The following SYT9 variants were observed in gnomAD, a reference collection of about 807,000 sequenced individuals.
SYT9 encodes synaptotagmin 9.
A neutral mutation model predicts 48.4 loss-of-function variants in SYT9; 22 were observed. That is an observed-to-expected ratio of 0.45 (90% CI 0.32 to 0.65). SYT9 has a LOEUF of 0.65. SYT9 is among the 30% of genes least tolerant of loss of function. The probability of loss-of-function intolerance (pLI) is 0.03; values close to 1 mark genes in which losing one functional copy is unlikely to be tolerated. For synonymous variants in SYT9, 265 were observed against 245.0 expected, an observed-to-expected ratio of 1.08 and a Z score of -0.76; for missense variants, 577 against 622.0, an observed-to-expected ratio of 0.93 and a Z score of 0.77.
At chr11:7,275,014 T>A (rs1848361467) in intron 1 of SYT9, among the ~76,000 whole-genome samples, 1 of 151,868 alleles carries the variant, frequency 6.6e-6, no homozygotes, top group Non-Finnish European at 1.5e-5. Flanking sequence ...GAATGCTAGG[T>A]GATCTAGTAT....
At chr11:7,456,936 C>T (rs1848157832) in intron 6 of SYT9, 2 of 152,098 alleles carry the variant, frequency 1.3e-5, no homozygotes, top group African/African-American at 4.8e-5. Flanking sequence ...TTCAATCCAA[C>T]CTCTACACTC....
At chr11:7,292,048 G>C (rs1323827892) in intron 1 of SYT9, among the ~76,000 whole-genome samples, 2 of 152,138 alleles carry the variant, frequency 1.3e-5, no homozygotes, top group Non-Finnish European at 1.5e-5. Flanking sequence ...AGAAGTGAGG[G>C]GTGAGAGAAG....
chr11:7,328,106 A>AG (rs1473848880), intron 3 of SYT9, among the ~76,000 whole-genome samples: 1 of 149,584 alleles, frequency 6.7e-6, no homozygotes, highest in South Asian at 2.1e-4. Flanking sequence ...ATAATTTTAA[A>AG]AAAAATTTTT....
At chr11:7,332,897 G>T (rs890875610) in intron 3 of SYT9, among the ~76,000 whole-genome samples, 1 of 152,232 alleles carries the variant, frequency 6.6e-6, no homozygotes, top group African/African-American at 2.4e-5. Context: ...ACCAGTAAGG[G>T]AGAACATTCC....
chr11:7,314,161 A>G (rs1374528680), intron 3 of SYT9: 1 of 691,788 alleles, frequency 1.4e-6, no homozygotes, highest in East Asian at 2.9e-5. Flanking sequence ...TTAAAGAATA[A>G]CATTCTCTCT....
intron 3 of SYT9, among the ~76,000 whole-genome samples, chr11:7,415,190 G>A (rs1847217880): frequency 1.3e-5 from 2 of 152,184 alleles, no homozygotes. Flanking sequence ...AGGGCCACCT[G>A]GGGGTCTGGG....
chr11:7,353,895 A>G (rs999584601), intron 3 of SYT9, among the ~76,000 whole-genome samples: 1 of 152,214 alleles, frequency 6.6e-6, no homozygotes, highest in Admixed American at 6.5e-5. Context: ...CATTAAAAAC[A>G]TACACAAAAT....
intron 6 of SYT9, among the ~76,000 whole-genome samples, chr11:7,434,695 A>T (rs1035053845): frequency 6.6e-6 from 1 of 152,184 alleles, no homozygotes; most frequent in African/African-American, 2.4e-5. Context: ...TGACATCAAC[A>T]TTGATAACAT....
intron 1 of SYT9, among the ~76,000 whole-genome samples, chr11:7,268,376 A>G (rs988504416): frequency 6.6e-6 from 1 of 151,976 alleles, no homozygotes; most frequent in Non-Finnish European, 1.5e-5. Flanking sequence ...CATAGAAAAA[A>G]TATGGAAGGC....
rs112897537 is a variant in SYT9, at chr11:7,302,484, T to A, written c.146-555T>A. 3.8e-3 allele frequency among the ~76,000 whole-genome samples: 582 copies of A among 152,354 alleles called. 7 individuals are homozygous for A. The highest frequency in any genetic ancestry group is 0.014 in the African/African-American group (571 of 41,578). On this transcript the variant is annotated intron_variant, in intron 1 of 6. Coordinates refer to ENST00000318881, the MANE Select transcript of SYT9 (RefSeq NM_175733.4). ...ACTTATCACTGAGTGGGGGTTGTTC[T>A]TGAAGCTGCAAAATTCACAGAAGAT...
intron 6 of SYT9, among the ~76,000 whole-genome samples, chr11:7,443,069 A>G (rs901770675): frequency 6.6e-6 from 1 of 152,192 alleles, no homozygotes; most frequent in African/African-American, 2.4e-5. Context: ...TTGAATGGGA[A>G]TGAGTGGATT....
intron 3 of SYT9, among the ~76,000 whole-genome samples, chr11:7,408,131 T>TTTTG (rs147454828): frequency 1.3e-5 from 2 of 152,142 alleles, no homozygotes; most frequent in African/African-American, 4.8e-5. Context: ...GATTTTGTTT[T>TTTTG]TTTGTTTGTT....
At chr11:7,292,329 A>G (rs1189497410) in intron 1 of SYT9, among the ~76,000 whole-genome samples, 3 of 152,252 alleles carry the variant, frequency 2.0e-5, no homozygotes, top group African/African-American at 7.2e-5. Context: ...GAGCCAATAC[A>G]GTAGTGCCAA....
intron 3 of SYT9, among the ~76,000 whole-genome samples, chr11:7,324,161 T>C (rs529637284): frequency 6.6e-6 from 1 of 152,040 alleles, no homozygotes; most frequent in East Asian, 1.9e-4. Flanking sequence ...GTGATTTAGA[T>C]TTTTCTAGAA....
chr11:7,401,483 G>GT (rs938202290), intron 3 of SYT9, among the ~76,000 whole-genome samples: 4 of 151,716 alleles, frequency 2.6e-5, no homozygotes, highest in Admixed American at 1.3e-4. Flanking sequence ...TGGAAAAGCT[G>GT]TGTAGAACTG....
chr11:7,358,956 T>C (rs1589970275), intron 3 of SYT9, among the ~76,000 whole-genome samples: 1 of 152,120 alleles, frequency 6.6e-6, no homozygotes, highest in Non-Finnish European at 1.5e-5. Context: ...CCCACTAACT[T>C]GTCATCTAGC....
chr11:7,413,961 C>T (rs1564895069), intron 3 of SYT9, among the ~76,000 whole-genome samples: 1 of 152,166 alleles, frequency 6.6e-6, no homozygotes, highest in Non-Finnish European at 1.5e-5. Context: ...AATATACCAT[C>T]AAGTCTGAGG....
intron 1 of SYT9, among the ~76,000 whole-genome samples, chr11:7,302,317 G>A (rs1848937055): frequency 6.6e-6 from 1 of 152,174 alleles, no homozygotes; most frequent in East Asian, 1.9e-4. Flanking sequence ...GCTTGATAAT[G>A]TACCTTTTAT....
intron 6 of SYT9, among the ~76,000 whole-genome samples, chr11:7,446,729 C>T (rs1027155996): frequency 1.3e-5 from 2 of 152,210 alleles, no homozygotes; most frequent in Admixed American, 6.5e-5. Flanking sequence ...TCTCCAGAGG[C>T]GGAAGACCAA....
Sources: gnomAD v4.1 joint callset for allele counts (sites outside exome capture counted in the v4.1 genomes callset) on GRCh38, gnomAD v4.1.1 for gene constraint, MANE v1.5 for transcripts, NCBI Gene and HGNC (gene_info 2026-07-23, HGNC 2026-07-21) for gene names.